DAPK2: variants seen among roughly 807,000 people sequenced by gnomAD.
The protein encoded by DAPK2 is death-associated protein kinase 2.
In DAPK2, 35 loss-of-function variants were observed where a neutral mutation model predicts 44.1. The observed-to-expected ratio is 0.79, with a 90% CI of 0.61 to 1.05. The LOEUF is 1.05. Ranked by LOEUF, DAPK2 falls within the 50% of genes least tolerant of loss-of-function variation. The pLI is 0.00. For missense variants in DAPK2, 453 were observed against 483.2 expected (o/e 0.94, Z 0.59); for synonymous variants, 174 against 182.6 (o/e 0.95, Z 0.38).
upstream of DAPK2, among the ~76,000 whole-genome samples, chr15:64,044,576 C>G (rs2080417666): frequency 6.6e-6 from 1 of 152,174 alleles, no homozygotes; most frequent in South Asian, 2.1e-4. Context: ...ACCCATCCCG[C>G]TCCTCTTCCC....
At position 64,008,741 on chromosome 15, in the gene DAPK2, C is replaced by T. The variant is rs191813980; in HGVS notation, c.93-24987G>A. Among the ~76,000 whole-genome samples, 13 of 152,216 alleles carry T rather than the reference C, an allele frequency of 8.5e-5. No individual in the cohort carries two copies. The East Asian group carries it at 2.5e-3, about 29-fold the overall frequency. On this transcript the variant is annotated intron_variant, in intron 1 of 10. Transcript: ENST00000261891. ...CAGATGCAAAAGTGCATGAGGATAA[C>T]AAATAGTTGAGTGAAACTTTTCCTT...
intron 1 of DAPK2, among the ~76,000 whole-genome samples, chr15:63,994,155 C>G (rs779433255): frequency 6.6e-6 from 1 of 152,078 alleles, no homozygotes; most frequent in Non-Finnish European, 1.5e-5. Context: ...TATAAGCCAG[C>G]CTGTAAGAGC....
At chr15:63,986,518 G>A (rs1415734451) in intron 1 of DAPK2, among the ~76,000 whole-genome samples, 3 of 152,118 alleles carry the variant, frequency 2.0e-5, no homozygotes, top group South Asian at 4.1e-4. Context: ...TCAAACTCCT[G>A]GGCTCAAGCA....
intron 1 of DAPK2, among the ~76,000 whole-genome samples, chr15:63,998,212 G>A (rs1424599694): frequency 6.6e-6 from 1 of 152,136 alleles, no homozygotes; most frequent in Non-Finnish European, 1.5e-5. Context: ...CTTACCCATG[G>A]GTGCAGGCTG....
At chr15:63,963,046 A>G (rs2077955222) in intron 3 of DAPK2, among the ~76,000 whole-genome samples, 1 of 152,176 alleles carries the variant, frequency 6.6e-6, no homozygotes, top group Admixed American at 6.5e-5. Context: ...AAGCCTCAGC[A>G]ATGGCAGATG....
At chr15:64,000,901 T>C (rs2079068773) in intron 1 of DAPK2, among the ~76,000 whole-genome samples, 1 of 151,980 alleles carries the variant, frequency 6.6e-6, no homozygotes, top group Non-Finnish European at 1.5e-5. Context: ...TTTTTTGAGA[T>C]GGAGTCTCGC....
intron 3 of DAPK2, among the ~76,000 whole-genome samples, chr15:63,970,181 C>G (rs115470949): frequency 6.6e-6 from 1 of 152,194 alleles, no homozygotes; most frequent in Non-Finnish European, 1.5e-5. Flanking sequence ...TCTCTGCTCA[C>G]CTGAACCCTT....
exon 7 of DAPK2, chr15:63,926,015 A>G: frequency 1.2e-6 from 2 of 1,614,194 alleles, no homozygotes; most frequent in Non-Finnish European, 1.7e-6. Flanking sequence ...ATTCCTCATC[A>G]AAGTCGTAAC....
intron 1 of DAPK2, among the ~76,000 whole-genome samples, chr15:64,007,061 G>A (rs1443250108): frequency 1.3e-5 from 2 of 152,028 alleles, no homozygotes; most frequent in African/African-American, 2.4e-5. Flanking sequence ...CTTTACAAGT[G>A]ATCTTTCCAC....
chr15:63,917,903 A>C lies in DAPK2; in HGVS notation c.859-5706T>G, dbSNP rs2078970837. ...GAAGCTCTATTTTATCACTCACCAT[A>C]GCTTTTCCAATCTAGTTGGCTGGGT... On this transcript the variant is annotated intron_variant, in intron 8 of 10. Transcript: ENST00000261891. This position sits in a 1 kb window ranked among gnomAD's most constrained non-coding sequence, Gnocchi z 4.4. The C allele has an allele frequency of 6.6e-6, 1 of 152,052 alleles. No individual in the cohort carries two copies. The highest frequency in any genetic ancestry group is 6.6e-5 in the Admixed American group (1 of 15,266). The allele number at this position is 152,052 out of a possible 1,614,324, so 9.4% of individuals were successfully genotyped here.
At position 63,990,150 on chromosome 15, in the gene DAPK2, AGATCTATGG is replaced by A. The variant is rs1011161023; in HGVS notation, c.93-6405_93-6397del. Among the ~76,000 whole-genome samples, 15 of 152,154 alleles carry A rather than the reference AGATCTATGG, an allele frequency of 9.9e-5. No individual in the cohort carries two copies. The highest frequency in any genetic ancestry group is 3.1e-4 in the African/African-American group (13 of 41,452). ...GGGCCAAGCTGCTAAAGGCTTTGAA[AGATCTATGG>A]GCTGGGTGTGGTTGTTGTAATCCCA... On this transcript the variant is annotated intron_variant, in intron 1 of 10. Coordinates refer to ENST00000261891, the Ensembl canonical transcript of DAPK2. The surrounding 1 kb of genome is among the most constrained non-coding windows in gnomAD (Gnocchi z 4.3).
chr15:63,983,329 T>C (rs1454038049), intron 2 of DAPK2, among the ~76,000 whole-genome samples: 2 of 152,174 alleles, frequency 1.3e-5, no homozygotes, highest in Admixed American at 1.3e-4. Flanking sequence ...TGCCCCTCCT[T>C]TGGCTCAGTT....
chr15:63,941,632 T>C (rs761515884), intron 3 of DAPK2, among the ~76,000 whole-genome samples: 2 of 151,730 alleles, frequency 1.3e-5, no homozygotes, highest in Non-Finnish European at 2.9e-5. Context: ...TTTTTCCTTT[T>C]TTTAAAAAAA....
chr15:64,033,840 G>T (rs145459313), intron 1 of DAPK2, among the ~76,000 whole-genome samples: 6 of 151,856 alleles, frequency 4.0e-5, no homozygotes, highest in African/African-American at 1.2e-4. Flanking sequence ...CCGTGAACCC[G>T]GGAGGCAGAG....
exon 10 of DAPK2, chr15:63,911,950 G>A: frequency 6.2e-7 from 1 of 1,614,074 alleles, no homozygotes; most frequent in South Asian, 1.1e-5. Context: ...TCATCAGCGA[G>A]CGGGTGAGGT....
Position 63,966,382 on chromosome 15 carries a change from G to C in DAPK2, c.453+5041C>G, listed in dbSNP as rs1444400421. Among the ~76,000 whole-genome samples the C allele has an allele frequency of 2.0e-5, 3 of 152,182 alleles. No homozygotes were observed. The highest frequency in any genetic ancestry group is 6.5e-5 in the Admixed American group (1 of 15,290). ...GGATTCTCTCCTGGAGTTGCAAGCT[G>C]TGCTGCCAGGGGCTGAGGGAGGTGT... On this transcript the variant is annotated intron_variant, in intron 3 of 10. Coordinates refer to ENST00000261891, the Ensembl canonical transcript of DAPK2. This position sits in a 1 kb window ranked among gnomAD's most constrained non-coding sequence, Gnocchi z 5.5.
rs2078966355 is a variant in DAPK2 at position 63,917,746 on chromosome 15, G to C, written c.859-5549C>G. 6.6e-6 allele frequency: 1 copy of C among 152,176 alleles called. No homozygotes were observed. Among genetic ancestry groups the C allele is most frequent in the South Asian group, 2.1e-4 (1 of 4,830 alleles). The allele number at this position is 152,176 out of a possible 1,614,324, so 9.4% of individuals were successfully genotyped here. On this transcript the variant is annotated intron_variant, in intron 8 of 10. Coordinates refer to ENST00000261891, the Ensembl canonical transcript of DAPK2. The surrounding 1 kb of genome is among the most constrained non-coding windows in gnomAD (Gnocchi z 4.4). ...CAGATTTTACTCATGCCTTCCTCAA[G>C]GGACACAGCTTGGGAGTGGAGGAGG...
intron 8 of DAPK2, among the ~76,000 whole-genome samples, chr15:63,913,721 G>A (rs2078855543): frequency 6.6e-6 from 1 of 152,190 alleles, no homozygotes. Context: ...GCAGCCTCTG[G>A]CAGGAGGTCC....
intron 2 of DAPK2, 43 bp downstream of exon 3, chr15:63,983,490 C>A: frequency 6.3e-7 from 1 of 1,587,242 alleles, no homozygotes; most frequent in South Asian, 1.1e-5. Context: ...TCTGCCTGCC[C>A]CTGCTGCCCC....
Sources: allele counts gnomAD v4.1 joint callset (sites outside exome capture counted in the v4.1 genomes callset), GRCh38; gene constraint gnomAD v4.1.1; non-coding constraint Gnocchi (gnomAD v3.1); transcripts MANE v1.5; gene names NCBI Gene and HGNC (gene_info 2026-07-23, HGNC 2026-07-21).